Variants in TENM3 observed in about 807,000 individuals in gnomAD.
TENM3 encodes the protein teneurin-3.
A neutral mutation model predicts 255.1 loss-of-function variants in TENM3; 63 were observed. That is an observed-to-expected ratio of 0.25 (90% confidence interval 0.20 to 0.30). The LOEUF is 0.30. Ranked by LOEUF, TENM3 falls within the 10% of genes least tolerant of loss-of-function variation. TENM3 has a pLI of 1.00. For missense variants in TENM3, 2,929 were observed against 3,461.1 expected (o/e 0.85, Z 3.86); for synonymous variants, 1,306 against 1,322.3 (o/e 0.99, Z 0.27).
At chr4:181,586,304 C>T in the TENM3 span, among the ~76,000 whole-genome samples, 4 of 152,130 alleles carry the variant, frequency 2.6e-5, no homozygotes, top group Non-Finnish European at 5.9e-5. Flanking sequence ...TCTTCAGAGA[C>T]CTGAGGAAAT....
the TENM3 span, among the ~76,000 whole-genome samples, chr4:181,570,205 C>T: frequency 4.6e-5 from 7 of 151,776 alleles, no homozygotes; most frequent in Non-Finnish European, 1.0e-4. Flanking sequence ...GCCACCGCGC[C>T]CGGCTAATTT....
the TENM3 span, among the ~76,000 whole-genome samples, chr4:181,600,896 C>T: frequency 1.3e-5 from 2 of 151,888 alleles, no homozygotes; most frequent in Non-Finnish European, 2.9e-5. Context: ...GGTGGGTCTG[C>T]TCTCCTCCCA....
the TENM3 span, among the ~76,000 whole-genome samples, chr4:181,672,996 G>T: frequency 6.6e-6 from 1 of 152,254 alleles, no homozygotes; most frequent in South Asian, 2.1e-4. Flanking sequence ...AAACAAAGAA[G>T]CAGATTATTC....
the TENM3 span, among the ~76,000 whole-genome samples, chr4:181,988,457 C>A: frequency 3.3e-5 from 5 of 152,088 alleles, no homozygotes; most frequent in Admixed American, 2.6e-4. Flanking sequence ...CTGCCATCTA[C>A]AAAAACCAGT....
At chr4:181,953,118 G>A in the TENM3 span, among the ~76,000 whole-genome samples, 30,899 of 152,106 alleles carry the variant, frequency 0.2, 3,541 homozygotes, top group Non-Finnish European at 0.27. Flanking sequence ...TAATCATAGC[G>A]GTTACCACCT....
At chr4:182,255,569 G>A (rs529374537) in intron 1 of TENM3, among the ~76,000 whole-genome samples, 20 of 152,142 alleles carry the variant, frequency 1.3e-4, no homozygotes, top group Non-Finnish European at 2.4e-4. Context: ...CTACCTGATG[G>A]CCAGCAGTCC....
chr4:181,709,812 C>A, the TENM3 span, among the ~76,000 whole-genome samples: 1 of 152,062 alleles, frequency 6.6e-6, no homozygotes, highest in African/African-American at 2.4e-5. Flanking sequence ...TTTGAAGTAG[C>A]GTTCAGAAGA....
At chr4:181,578,227 T>A in the TENM3 span, among the ~76,000 whole-genome samples, 1 of 89,664 alleles carries the variant, frequency 1.1e-5, no homozygotes, top group South Asian at 5.0e-4. Context: ...AAGATGTCTT[T>A]CCTTTTCTTT....
the TENM3 span, among the ~76,000 whole-genome samples, chr4:181,546,170 G>C: frequency 1.3e-5 from 2 of 152,078 alleles, no homozygotes; most frequent in Non-Finnish European, 2.9e-5. Context: ...GCCTCTAGAG[G>C]CTTGTCAACT....
intron 3 of TENM3, among the ~76,000 whole-genome samples, chr4:182,497,992 A>G (rs1312918173): frequency 3.3e-5 from 5 of 151,946 alleles, no homozygotes; most frequent in Admixed American, 6.5e-5. Flanking sequence ...GTTGTTGAGT[A>G]ATGAAAACTC....
the TENM3 span, chr4:182,085,204 G>A: frequency 6.6e-6 from 1 of 152,178 alleles, no homozygotes; most frequent in Non-Finnish European, 1.5e-5. Flanking sequence ...GAGGCCAGGG[G>A]TGAGCACTCT....
At chr4:182,502,413 C>T (rs1294812328) in intron 3 of TENM3, among the ~76,000 whole-genome samples, 1 of 152,018 alleles carries the variant, frequency 6.6e-6, no homozygotes, top group Non-Finnish European at 1.5e-5. Flanking sequence ...TTCTATTTTG[C>T]AGTTTTCTCT....
chr4:181,882,348 G>A, the TENM3 span, among the ~76,000 whole-genome samples: 1 of 152,160 alleles, frequency 6.6e-6, no homozygotes, highest in Non-Finnish European at 1.5e-5. Flanking sequence ...GACTTCTGCA[G>A]GAAGGAAGTG....
At position 182,799,324 on chromosome 4, in the gene TENM3, A is replaced by C. The variant is rs1374389770; in HGVS notation, c.7345-272A>C. ...TAGAAACTGTAAGAGAAAAGCAAGAAACAGGACTATTTTTCCCATGTTAGA... is the reference window on the plus strand; with the variant it reads ...TAGAAACTGTAAGAGAAAAGCAAGACACAGGACTATTTTTCCCATGTTAGA... On this transcript the variant is annotated intron_variant, in intron 27 of 27. Coordinates refer to ENST00000511685, the MANE Select transcript of TENM3 (RefSeq NM_001080477.4). The surrounding 1 kb of genome is among the most constrained non-coding windows in gnomAD (Gnocchi z 4.2). Among the ~76,000 whole-genome samples, 1 of 152,204 alleles carries C rather than the reference A, an allele frequency of 6.6e-6. No individual in the cohort carries two copies. The highest frequency in any genetic ancestry group is 2.4e-5 in the African/African-American group (1 of 41,454).
intron 1 of TENM3, among the ~76,000 whole-genome samples, chr4:182,247,888 T>G (rs973920991): frequency 6.6e-6 from 1 of 152,190 alleles, no homozygotes; most frequent in East Asian, 1.9e-4. Flanking sequence ...AAATGCACCC[T>G]CACCCTTTCC....
chr4:182,574,224 G>C (rs1452564113), intron 3 of TENM3, among the ~76,000 whole-genome samples: 1 of 151,890 alleles, frequency 6.6e-6, no homozygotes, highest in East Asian at 1.9e-4. Flanking sequence ...AAAATGACTT[G>C]TCATGTCAAA....
chr4:181,767,119 G>A, the TENM3 span, among the ~76,000 whole-genome samples: 62,491 of 140,912 alleles, frequency 0.44, 14,847 homozygotes, highest in Non-Finnish European at 0.51. Flanking sequence ...GGGCGTGGTG[G>A]CGGGCGCCTG....
chr4:182,430,489 A>G (rs1325962166), intron 3 of TENM3, among the ~76,000 whole-genome samples: 1 of 152,002 alleles, frequency 6.6e-6, no homozygotes, highest in Non-Finnish European at 1.5e-5. Flanking sequence ...GGGAGGTTGC[A>G]GTGAGCCAAG....
At chr4:181,978,743 G>C in the TENM3 span, among the ~76,000 whole-genome samples, 1 of 150,438 alleles carries the variant, frequency 6.6e-6, no homozygotes, top group South Asian at 2.1e-4. Context: ...AGAATATAAA[G>C]CCTATATGGG....
Sources: allele counts gnomAD v4.1 joint callset (sites outside exome capture counted in the v4.1 genomes callset), GRCh38; gene constraint gnomAD v4.1.1; non-coding constraint Gnocchi (gnomAD v3.1); transcripts MANE v1.5; gene names NCBI Gene and HGNC (gene_info 2026-07-23, HGNC 2026-07-21).